Variants in HECW1 observed in about 807,000 individuals in gnomAD.
HECW1 encodes the protein HECT, C2 and WW domain containing E3 ubiquitin protein ligase 1, also known as E3 ubiquitin-protein ligase HECW1.
Under a neutral mutation model 182.3 loss-of-function variants are expected in HECW1, and 61 were observed. The observed-to-expected ratio is 0.33, with a 90% confidence interval of 0.27 to 0.41. The LOEUF (loss-of-function observed/expected upper bound fraction) is 0.41. Among genes scored for constraint, HECW1 ranks in the 10% least tolerant of loss-of-function variants. The pLI is 1.00. For synonymous variants in HECW1, 859 were observed against 832.6 expected (o/e 1.03, Z -0.55); for missense variants, 1,739 against 2,108.9 (o/e 0.82, Z 3.44).
intron 5 of HECW1, among the ~76,000 whole-genome samples, chr7:43,333,165 A>G (rs1811704310): frequency 6.6e-6 from 1 of 152,240 alleles, no homozygotes; most frequent in South Asian, 2.1e-4. Flanking sequence ...CCTCCCTGGT[A>G]TGATAGGCAA....
intron 2 of HECW1, among the ~76,000 whole-genome samples, chr7:43,130,524 A>G (rs1786798313): frequency 6.6e-6 from 1 of 152,228 alleles, no homozygotes; most frequent in African/African-American, 2.4e-5. Flanking sequence ...TTTGTATGCT[A>G]CAAAGAAAAT....
chr7:43,378,980 T>C (rs1259281008), intron 6 of HECW1, among the ~76,000 whole-genome samples: 1 of 152,152 alleles, frequency 6.6e-6, no homozygotes, highest in East Asian at 1.9e-4. Context: ...GGGGTGGTTA[T>C]TGCTTATGGG....
intron 9 of HECW1, 61 bp downstream of exon 9, chr7:43,438,206 G>T (rs1354282182): frequency 2.1e-5 from 31 of 1,486,564 alleles, no homozygotes; most frequent in Non-Finnish European, 2.8e-5. Flanking sequence ...GTGCCCAAAG[G>T]TGGCCTGTAG....
Position 43,300,993 on chromosome 7 carries a change from C to A in HECW1, c.28-10770C>A, listed in dbSNP as rs1806694137. ...GGTAAAGCTTCTCCCTGCATGTAGA[C>A]CTTGGCATTCAGGAGAGCTATACTT... On this transcript the variant is annotated intron_variant, in intron 3 of 29. Transcript: ENST00000395891. Among the ~76,000 whole-genome samples, 6 of 152,314 alleles carry A rather than the reference C, an allele frequency of 3.9e-5. No homozygotes were observed. In the South Asian group the frequency reaches 8.3e-4, roughly 21 times the overall value.
intron 3 of HECW1, among the ~76,000 whole-genome samples, chr7:43,265,387 C>A (rs968957216): frequency 6.6e-6 from 1 of 152,154 alleles, no homozygotes; most frequent in African/African-American, 2.4e-5. Context: ...CTGCCTTGTG[C>A]TGGGTAGCTG....
At chr7:43,413,921 T>C (rs1302211472) in intron 8 of HECW1, among the ~76,000 whole-genome samples, 1 of 141,292 alleles carries the variant, frequency 7.1e-6, no homozygotes, top group African/African-American at 2.7e-5. Context: ...TGGCTTAGGA[T>C]TGACTTGGCA....
At chr7:43,560,732 TGAAAA>T (rs2082182932) in intron 29 of HECW1, among the ~76,000 whole-genome samples, 2 of 152,252 alleles carry the variant, frequency 1.3e-5, no homozygotes, top group Non-Finnish European at 1.5e-5. Flanking sequence ...GATCTTGTAA[TGAAAA>T]GAAGAGTTTA....
intron 3 of HECW1, among the ~76,000 whole-genome samples, chr7:43,247,823 GAGAA>G (rs1799552969): frequency 7.4e-6 from 1 of 134,408 alleles, no homozygotes; most frequent in African/African-American, 3.2e-5. Context: ...AAGAAAGAGA[GAGAA>G]AGGTAAGAAG....
chr7:43,236,412 G>C (rs1798341684), intron 2 of HECW1, among the ~76,000 whole-genome samples: 1 of 152,160 alleles, frequency 6.6e-6, no homozygotes, highest in Non-Finnish European at 1.5e-5. Context: ...CAAGGTTAAG[G>C]CTGCACTCCT....
At chr7:43,357,197 C>T (rs747785279) in intron 5 of HECW1, among the ~76,000 whole-genome samples, 7 of 152,050 alleles carry the variant, frequency 4.6e-5, no homozygotes, top group Non-Finnish European at 8.8e-5. Context: ...ATAGAACTAC[C>T]ATATGACCCA....
intron 3 of HECW1, among the ~76,000 whole-genome samples, chr7:43,294,171 T>C (rs889907706): frequency 2.6e-5 from 4 of 152,198 alleles, no homozygotes; most frequent in African/African-American, 9.7e-5. Context: ...AATGCACTGT[T>C]TTCCAAACAC....
At chr7:43,267,521 GT>G (rs1189039870) in intron 3 of HECW1, among the ~76,000 whole-genome samples, 2 of 151,474 alleles carry the variant, frequency 1.3e-5, no homozygotes, top group Non-Finnish European at 2.9e-5. Flanking sequence ...AAATAACTGT[GT>G]TCAAGTAAAA....
At chr7:43,555,394 A>C (rs963233597) in intron 29 of HECW1, among the ~76,000 whole-genome samples, 1 of 152,190 alleles carries the variant, frequency 6.6e-6, no homozygotes. Context: ...TAATCCCAGC[A>C]CTTCCTGAAT....
In HECW1 at chr7:43,379,491, G is replaced by T. The variant is rs535323797; in HGVS notation, c.556-17323G>T. 1.5e-3 allele frequency among the ~76,000 whole-genome samples: 235 copies of T among 152,126 alleles called. 2 individuals are homozygous for T. The highest frequency in any genetic ancestry group is 5.5e-3 in the African/African-American group (229 of 41,508). ...TCCTGCATAGTCCACTGTCCTCTCC[G>T]CTCAATCACTTCCATCCCATTACAT... On this transcript the variant is annotated intron_variant, in intron 6 of 29. Coordinates refer to ENST00000395891, the MANE Select transcript of HECW1 (RefSeq NM_015052.5).
chr7:43,268,228 A>G (rs377621686), intron 3 of HECW1, among the ~76,000 whole-genome samples: 157 of 152,346 alleles, frequency 1.0e-3, no homozygotes, highest in South Asian at 5.4e-3. Context: ...ACTCAGCTAC[A>G]GAATTAGTTA....
chr7:43,492,110 A>G lies in HECW1; in HGVS notation c.3270A>G (p.Leu1090=), dbSNP rs375914979. The G allele has an allele frequency of 2.4e-5, 38 of 1,605,242 alleles. No individual in the cohort carries two copies. Among genetic ancestry groups the G allele is most frequent in the Non-Finnish European group, 5.9e-6 (7 of 1,177,740 alleles). Residue 1090 remains leucine, a synonymous_variant, in exon 18 of 30, where the codon TTA becomes TTG. Transcript: ENST00000395891. ...SEVSRNRGAS[L]LARPGHSLVA... ...TTTCTAGAAACAGAGGAGCCTCTTTACTGGCCAGGCCAGGACACAGCTTAG... is the reference window on the plus strand; with the variant it reads ...TTTCTAGAAACAGAGGAGCCTCTTTGCTGGCCAGGCCAGGACACAGCTTAG...
At chr7:43,214,025 A>G (rs1457321327) in intron 2 of HECW1, among the ~76,000 whole-genome samples, 1 of 152,078 alleles carries the variant, frequency 6.6e-6, no homozygotes, top group African/African-American at 2.4e-5. Flanking sequence ...TTAATTCTTT[A>G]AAAGCTGTTT....
chr7:43,135,519 C>T (rs149258359), intron 2 of HECW1, among the ~76,000 whole-genome samples: 9 of 152,260 alleles, frequency 5.9e-5, no homozygotes, highest in Non-Finnish European at 8.8e-5. Flanking sequence ...GACTTCTTGC[C>T]ACATAAGAGA....
Position 43,444,978 on chromosome 7 carries a change from G to T in HECW1, c.1806G>T (p.Glu602Asp). The change falls in exon 11 of 30, where the codon GAG becomes GAT. Residue 602 changes from glutamate (E) to aspartate (D), a missense_variant. Transcript: ENST00000395891. The surrounding 1 kb of genome is among the most constrained non-coding windows in gnomAD (Gnocchi z 4.3). ...KDSSEKDGLS[E>D]VDTVAADPSA... ...CCTCGGAGAAGGATGGGCTCAGCGA[G>T]GTGGACACGGTGGCCGCTGACCCGT... 6.4e-7 allele frequency: 1 copy of T among 1,559,244 alleles called. No individual in the cohort carries two copies. The highest frequency in any genetic ancestry group is 8.7e-7 in the Non-Finnish European group (1 of 1,151,420).
Sources: gnomAD v4.1 joint callset for allele counts (sites outside exome capture counted in the v4.1 genomes callset) on GRCh38, gnomAD v4.1.1 for gene constraint, Gnocchi (gnomAD v3.1) non-coding constraint, MANE v1.5 for transcripts, NCBI Gene and HGNC (gene_info 2026-07-23, HGNC 2026-07-21) for gene names.